The following SLC9B1 variants were observed in gnomAD, a reference collection of about 807,000 sequenced individuals.
The protein encoded by SLC9B1 is solute carrier family 9 member B1, also known as sodium/hydrogen exchanger 9B1.
SLC9B1 carries 32 observed loss-of-function variants against 51.7 expected under a neutral mutation model. The ratio of observed to expected loss-of-function variants is 0.62; its 90% CI spans 0.47 to 0.83. The LOEUF (loss-of-function observed/expected upper bound fraction) is 0.83. SLC9B1 is among the 40% of genes least tolerant of loss of function. The pLI is 0.00. For missense variants in SLC9B1, 406 were observed against 613.2 expected (o/e 0.66, Z 3.57); for synonymous variants, 145 against 212.7 (o/e 0.68, Z 2.77).
At chr4:102,886,978 T>TA (rs1379014957) in intron 11 of SLC9B1, among the ~76,000 whole-genome samples, 1 of 152,242 alleles carries the variant, frequency 6.6e-6, no homozygotes, top group Non-Finnish European at 1.5e-5. Context: ...GAAAAAATTA[T>TA]AATTTATTTT....
chr4:102,943,070 A>C (rs1737082378), intron 6 of SLC9B1, among the ~76,000 whole-genome samples: 1 of 152,090 alleles, frequency 6.6e-6, no homozygotes, highest in Non-Finnish European at 1.5e-5. Flanking sequence ...AAGAAACATG[A>C]AAAAATCCTC....
chr4:102,969,955 A>C (rs1209779247), intron 3 of SLC9B1, among the ~76,000 whole-genome samples: 8 of 152,156 alleles, frequency 5.3e-5, no homozygotes, highest in East Asian at 1.9e-4. Flanking sequence ...GTAAAAAAAA[A>C]CGAACAAAGC....
Position 102,893,290 on chromosome 4 carries a change from A to AAAAAAG in SLC9B1, c.1333-7963_1333-7962insCTTTTT, listed in dbSNP as rs1473854293. 1.5e-4 allele frequency among the ~76,000 whole-genome samples: 23 copies of AAAAAAG among 148,424 alleles called. 2 individuals carry two copies. The highest frequency in any genetic ancestry group is 5.7e-4 in the African/African-American group (23 of 40,016). ...GAGCAAGACTCCATCTCAAAAAAAA[A>AAAAAAG]AAAAAAAAAAAAAAAGAAAAAGAAA... On this transcript the variant is annotated intron_variant, in intron 11 of 11. Transcript: ENST00000394789.
chr4:102,885,100 T>C (rs1222063804), exon 12 of SLC9B1: 2 of 838,594 alleles, frequency 2.4e-6, no homozygotes, highest in Non-Finnish European at 4.1e-6. Flanking sequence ...TATGGATCCA[T>C]TAAAAAGGAA....
intron 7 of SLC9B1, among the ~76,000 whole-genome samples, chr4:102,925,699 C>CA (rs3974607): frequency 1.4e-3 from 199 of 137,340 alleles, no homozygotes; most frequent in Admixed American, 2.8e-3. Context: ...TTCTTTTGTC[C>CA]AAAAAAAAAA....
chr4:102,933,896 A>C lies in SLC9B1; in HGVS notation c.654-1597T>G, dbSNP rs572113410. Among the ~76,000 whole-genome samples, 33 of 152,360 alleles carry C rather than the reference A, an allele frequency of 2.2e-4. No homozygotes were observed. The South Asian group carries it at 6.8e-3, about 32-fold the overall frequency. On this transcript the variant is annotated intron_variant, in intron 6 of 11. Coordinates refer to ENST00000296422, the MANE Select transcript of SLC9B1 (RefSeq NM_139173.4). ...GAGACATTTCACAAGTGTGAACTAA[A>C]AAGCCTCAATTTTACCATCGCCCAA...
At chr4:102,947,662 G>A (rs1174582223) in intron 4 of SLC9B1, among the ~76,000 whole-genome samples, 1 of 152,188 alleles carries the variant, frequency 6.6e-6, no homozygotes, top group Admixed American at 6.5e-5. Context: ...CCACTGTACT[G>A]AATATTTAGA....
intron 9 of SLC9B1, among the ~76,000 whole-genome samples, chr4:102,908,337 C>A (rs1331645526): frequency 3.3e-5 from 5 of 152,070 alleles, no homozygotes; most frequent in Non-Finnish European, 7.4e-5. Context: ...TCATCACATG[C>A]AAGTACATAT....
chr4:102,991,805 G>A (rs544287691), intron 1 of SLC9B1, 93 bp from the exon 2 acceptor site: 388 of 842,084 alleles, frequency 4.6e-4, no homozygotes, highest in Non-Finnish European at 5.8e-4. Context: ...ATTTTTTAAA[G>A]GATTTTTTGT....
At chr4:103,016,128 C>CTCTTGTTTGTCT (rs1168833354) in intron 1 of SLC9B1, among the ~76,000 whole-genome samples, 1 of 30,714 alleles carries the variant, frequency 3.3e-5, no homozygotes, top group Non-Finnish European at 5.5e-5. Context: ...GAGCCAAACT[C>CTCTTGTTTGTCT]TGTCTCAAAA....
intron 3 of SLC9B1, among the ~76,000 whole-genome samples, chr4:102,978,808 T>G (rs1187253242): frequency 6.6e-6 from 1 of 152,236 alleles, no homozygotes; most frequent in Non-Finnish European, 1.5e-5. Context: ...GCAATCCCAT[T>G]ACTGGGTATA....
chr4:102,991,175 TA>T (rs1026278156), intron 2 of SLC9B1, among the ~76,000 whole-genome samples: 18 of 151,978 alleles, frequency 1.2e-4, no homozygotes, highest in Non-Finnish European at 2.5e-4. Flanking sequence ...ATCTCTATTT[TA>T]AAAAAATACG....
intron 1 of SLC9B1, among the ~76,000 whole-genome samples, chr4:102,994,995 G>T (rs1578408361): frequency 6.6e-6 from 1 of 152,274 alleles, no homozygotes; most frequent in East Asian, 1.9e-4. Context: ...TAAGCTGTTA[G>T]ATTATGAGGT....
Position 102,946,780 on chromosome 4 carries a change from A to G in SLC9B1, c.392T>C (p.Leu131Pro). 1 of 1,588,830 alleles carries G rather than the reference A, an allele frequency of 6.3e-7. No homozygotes were observed. The highest frequency in any genetic ancestry group is 8.5e-7 in the Non-Finnish European group (1 of 1,173,382). ...AACATTCCTAATCGTAAAACCAGCC[A>G]GTAACATCCCTTAAAAGAAAGAAAA... ...PPLPPLLGMLLAGFTIRNVPF... is the reference protein window; with the variant it reads ...PPLPPLLGMLPAGFTIRNVPF... The change falls in exon 5 of 12, where the codon CTG becomes CCG. Residue 131 changes from leucine to proline, a missense_variant. Physicochemically the swap from Leu to Pro is moderately conservative, Grantham distance 98 (BLOSUM62 -3). Around this residue, in one of 6 missense-constraint regions of SLC9B1, gnomAD observed 250 missense variants for 394.1 expected, o/e 0.63. Transcript: ENST00000296422.
chr4:102,955,757 A>G (rs138578809), intron 3 of SLC9B1, among the ~76,000 whole-genome samples: 1,731 of 151,896 alleles, frequency 0.011, 39 homozygotes, highest in African/African-American at 0.039. Context: ...CGTTCTGCAC[A>G]TGTATCCTGG....
intron 9 of SLC9B1, among the ~76,000 whole-genome samples, chr4:102,909,228 C>G (rs1411813671): frequency 1.3e-5 from 2 of 151,394 alleles, no homozygotes; most frequent in African/African-American, 2.4e-5. Context: ...TTTGCGATGT[C>G]AAGTTGGGAG....
At chr4:102,893,349 C>A (rs1402523933) in intron 11 of SLC9B1, among the ~76,000 whole-genome samples, 6 of 139,044 alleles carry the variant, frequency 4.3e-5, no homozygotes, top group Non-Finnish European at 9.2e-5. Flanking sequence ...CTGCATGCAA[C>A]TATTTAGCAA....
chr4:102,905,237 T>A (rs145183880), intron 11 of SLC9B1, among the ~76,000 whole-genome samples: 5 of 45,754 alleles, frequency 1.1e-4, no homozygotes, highest in African/African-American at 2.7e-4. Flanking sequence ...TTATTTATTT[T>A]TTTGAGATGG....
chr4:102,968,701 G>A (rs754554527), intron 3 of SLC9B1, among the ~76,000 whole-genome samples: 5 of 152,244 alleles, frequency 3.3e-5, no homozygotes, highest in Non-Finnish European at 7.3e-5. Context: ...GCAGCCCACA[G>A]AGGGTGAGCT....
Sources: allele counts gnomAD v4.1 joint callset (sites outside exome capture counted in the v4.1 genomes callset), GRCh38; gene constraint gnomAD v4.1.1; regional missense constraint gnomAD v4.1.1; transcripts MANE v1.5; gene names NCBI Gene and HGNC (gene_info 2026-07-23, HGNC 2026-07-21).